Variants in ANKFN1 observed in about 807,000 individuals in gnomAD.
ANKFN1 encodes the protein ankyrin repeat and fibronectin type-III domain-containing protein 1.
In ANKFN1, 74 loss-of-function variants were observed where a neutral mutation model predicts 108.7. That is an observed-to-expected ratio of 0.68 (90% CI 0.56 to 0.83). The LOEUF (loss-of-function observed/expected upper bound fraction) is 0.83, where lower values mean the gene tolerates loss of function less well. Ranked by LOEUF, ANKFN1 falls within the 40% of genes least tolerant of loss-of-function variation. ANKFN1 has a pLI of 0.00. For synonymous variants in ANKFN1, 547 were observed against 516.2 expected (o/e 1.06, Z -0.81); for missense variants, 1,505 against 1,382.3 (o/e 1.09, Z -1.41).
chr17:56,404,675 T>G (rs1286012352), intron 8 of ANKFN1, among the ~76,000 whole-genome samples: 1 of 152,190 alleles, frequency 6.6e-6, no homozygotes, highest in Non-Finnish European at 1.5e-5. Flanking sequence ...CAGGGATTTC[T>G]TCTTGGTTTG....
intron 20 of ANKFN1, among the ~76,000 whole-genome samples, chr17:56,508,186 T>C (rs994329754): frequency 1.3e-5 from 2 of 152,170 alleles, no homozygotes; most frequent in Non-Finnish European, 2.9e-5. Flanking sequence ...CTCCCTGCTA[T>C]CTCTTCCTCA....
At chr17:56,330,768 G>A (rs915867540) in intron 4 of ANKFN1, among the ~76,000 whole-genome samples, 2 of 152,094 alleles carry the variant, frequency 1.3e-5, no homozygotes, top group African/African-American at 2.4e-5. Flanking sequence ...GGATACACAG[G>A]TTACAAAGTA....
intron 3 of ANKFN1, among the ~76,000 whole-genome samples, chr17:56,298,267 T>C (rs572750797): frequency 6.6e-6 from 1 of 152,366 alleles, no homozygotes; most frequent in South Asian, 2.1e-4. Context: ...ATTATAGAAT[T>C]ATGGATGATT....
intron 20 of ANKFN1, among the ~76,000 whole-genome samples, chr17:56,505,611 C>T (rs539283006): frequency 2.6e-5 from 4 of 152,170 alleles, no homozygotes; most frequent in African/African-American, 9.6e-5. Flanking sequence ...GTTCATGGTC[C>T]AATGAGGAAG....
intron 4 of ANKFN1, among the ~76,000 whole-genome samples, chr17:56,136,778 A>G (rs1474726453): frequency 6.6e-6 from 1 of 152,214 alleles, no homozygotes; most frequent in Non-Finnish European, 1.5e-5. Context: ...TGCATGGTGA[A>G]GCCTATGACT....
At chr17:56,133,802 C>G (rs1468872431) in intron 4 of ANKFN1, among the ~76,000 whole-genome samples, 1 of 151,204 alleles carries the variant, frequency 6.6e-6, no homozygotes, top group Non-Finnish European at 1.5e-5. Flanking sequence ...TTTTTCCACT[C>G]TCACACACCA....
chr17:56,461,496 C>T (rs938020723), intron 14 of ANKFN1, among the ~76,000 whole-genome samples: 5 of 152,176 alleles, frequency 3.3e-5, no homozygotes, highest in Non-Finnish European at 7.4e-5. Context: ...GTTTCCTTTG[C>T]TTAGAATCCC....
chr17:56,462,923 C>G (rs9899123), intron 14 of ANKFN1, among the ~76,000 whole-genome samples: 1,757 of 152,236 alleles, frequency 0.012, 37 homozygotes, highest in African/African-American at 0.04. Context: ...TCACGGCTCA[C>G]AAAGGCCTCA....
In ANKFN1 at chr17:56,259,171, A is replaced by G. The variant is rs1299461680; in HGVS notation, c.53+31214A>G. 1.3e-5 allele frequency among the ~76,000 whole-genome samples: 2 copies of G among 152,076 alleles called. 1 individual carries two copies. The highest frequency in any genetic ancestry group is 3.9e-4 in the East Asian group (2 of 5,188). ...AGTAACAGGCCTAAAATCATCAGCT[A>G]TTGAATGGTGAAGCCAGTACTCAAA... On this transcript the variant is annotated intron_variant, in intron 3 of 20. Transcript: ENST00000682825.
intron 3 of ANKFN1, chr17:56,323,113 A>G (rs1446038984): frequency 6.6e-6 from 1 of 152,184 alleles, no homozygotes; most frequent in East Asian, 1.9e-4. Context: ...AGCAAGTTAA[A>G]TAACTGTGGG....
chr17:56,226,174 G>A (rs1417838373), intron 2 of ANKFN1, among the ~76,000 whole-genome samples: 7 of 152,112 alleles, frequency 4.6e-5, no homozygotes, highest in Non-Finnish European at 1.5e-5. Flanking sequence ...GTTCCAGTTA[G>A]TGCCACATGT....
intron 3 of ANKFN1, among the ~76,000 whole-genome samples, chr17:56,315,239 T>TTCTC (rs148842608): frequency 6.6e-6 from 1 of 151,860 alleles, no homozygotes; most frequent in East Asian, 1.9e-4. Flanking sequence ...GCATGATTCA[T>TTCTC]TCTCTCTCTC....
At chr17:56,407,923 T>A (rs1598549319) in intron 8 of ANKFN1, among the ~76,000 whole-genome samples, 1 of 141,464 alleles carries the variant, frequency 7.1e-6, no homozygotes, top group Admixed American at 8.0e-5. Flanking sequence ...ATTTAAAATC[T>A]TTTTTATCTT....
chr17:56,279,822 C>T (rs2044024794), intron 3 of ANKFN1, among the ~76,000 whole-genome samples: 1 of 152,138 alleles, frequency 6.6e-6, no homozygotes, highest in Admixed American at 6.5e-5. Context: ...AAAGTTTAGG[C>T]AACTCGCGTA....
At chr17:56,088,456 T>C (rs1383540896) in intron 4 of ANKFN1, among the ~76,000 whole-genome samples, 1 of 151,194 alleles carries the variant, frequency 6.6e-6, no homozygotes, top group Admixed American at 6.6e-5. Context: ...GAGTGATTAG[T>C]TGTCAGGCAT....
chr17:56,350,616 A>G (rs1184641261), intron 4 of ANKFN1, 150 bp from the exon 5 acceptor site: 1 of 716,574 alleles, frequency 1.4e-6, no homozygotes, highest in East Asian at 2.7e-5. Context: ...CATTTAAAAC[A>G]TAAAAAAAGC....
At chr17:56,240,078 G>A (rs1917463578) in intron 3 of ANKFN1, among the ~76,000 whole-genome samples, 5 of 151,950 alleles carry the variant, frequency 3.3e-5, no homozygotes, top group Admixed American at 1.3e-4. Flanking sequence ...ACTAATTTGA[G>A]TACATCAATT....
chr17:56,206,236 C>T (rs72831997), intron 1 of ANKFN1, among the ~76,000 whole-genome samples: 7,131 of 152,050 alleles, frequency 0.047, 185 homozygotes, highest in Middle Eastern at 0.085. Flanking sequence ...GCTATGTTTT[C>T]GTGTAATTGT....
intron 8 of ANKFN1, among the ~76,000 whole-genome samples, chr17:56,382,104 G>A (rs190073354): frequency 1.3e-5 from 2 of 152,264 alleles, no homozygotes; most frequent in African/African-American, 2.4e-5. Flanking sequence ...CCCACAAAAG[G>A]AAGCCCATCA....
Sources: gnomAD v4.1 joint callset for allele counts (sites outside exome capture counted in the v4.1 genomes callset) on GRCh38, gnomAD v4.1.1 for gene constraint, MANE v1.5 for transcripts, NCBI Gene and HGNC (gene_info 2026-07-23, HGNC 2026-07-21) for gene names.